Variants in SLC36A4 observed in about 807,000 individuals in gnomAD.
SLC36A4 encodes the protein neutral amino acid uniporter 4.
SLC36A4 carries 49 observed loss-of-function variants against 50.5 expected under a neutral mutation model. The ratio of observed to expected loss-of-function variants is 0.97; its 90% CI spans 0.77 to 1.23. SLC36A4 has a LOEUF of 1.23. SLC36A4 is among the 50% of genes most tolerant of loss of function. The probability of loss-of-function intolerance (pLI) is 0.00; values close to 1 mark genes in which losing one functional copy is unlikely to be tolerated. For missense variants in SLC36A4, 611 were observed against 608.4 expected, an observed-to-expected ratio of 1.00 and a Z score of -0.05; for synonymous variants, 207 against 206.5, an observed-to-expected ratio of 1.00 and a Z score of -0.02.
intron 6 of SLC36A4, among the ~76,000 whole-genome samples, chr11:93,174,091 C>G (rs1481492108): frequency 6.6e-6 from 1 of 151,024 alleles, no homozygotes; most frequent in Non-Finnish European, 1.5e-5. Context: ...ATGGAATGTT[C>G]TTCCATTTGT....
At chr11:93,183,212 T>A (rs1360290848) in intron 3 of SLC36A4, among the ~76,000 whole-genome samples, 2 of 152,198 alleles carry the variant, frequency 1.3e-5, no homozygotes, top group African/African-American at 2.4e-5. Flanking sequence ...TGACCCACCA[T>A]TATAATTATA....
chr11:93,154,435 TCTAA>T (rs1246563217), intron 9 of SLC36A4, 158 bp from the exon 10 acceptor site: 6 of 368,882 alleles, frequency 1.6e-5, no homozygotes, highest in Non-Finnish European at 2.9e-5. Context: ...CAAATTGATC[TCTAA>T]CTAAATTTCT....
intron 6 of SLC36A4, among the ~76,000 whole-genome samples, chr11:93,169,977 AATT>A (rs1168054360): frequency 1.3e-5 from 2 of 152,068 alleles, no homozygotes; most frequent in East Asian, 1.9e-4. Context: ...GGGCTGTTTT[AATT>A]ATTATTAGGT....
At position 93,148,467 on chromosome 11, in the gene SLC36A4, G is replaced by T; in HGVS notation, c.*70C>A. The T allele has an allele frequency of 7.7e-7, 1 of 1,299,562 alleles. No individual in the cohort carries two copies. Among genetic ancestry groups the T allele is most frequent in the Non-Finnish European group, 1.1e-6 (1 of 919,788 alleles). The allele number at this position is 1,299,562 out of a possible 1,614,324, so 80.5% of individuals were successfully genotyped here. On this transcript the variant is annotated 3_prime_UTR_variant, in exon 11 of 11. Coordinates refer to ENST00000326402, the MANE Select transcript of SLC36A4 (RefSeq NM_152313.4). ...TTACCATTTTTATGTATATAGCAAT[G>T]TATTTTACTAGTTATCTTGATAATT...
rs1475081085 is a variant in SLC36A4 at position 93,148,092 on chromosome 11, A to C, written c.*445T>G. ...ATTTTTTTTTTTTACACTGTACATA[A>C]AGTTTACTTTGGCATTCACAGGGAT... On this transcript the variant is annotated 3_prime_UTR_variant, in exon 11 of 11. Transcript: ENST00000326402. 1 of 153,864 alleles carries C rather than the reference A, an allele frequency of 6.5e-6. No individual in the cohort carries two copies. Among genetic ancestry groups the C allele is most frequent in the East Asian group, 1.9e-4 (1 of 5,228 alleles). The allele number at this position is 153,864 out of a possible 1,614,324, so 9.5% of individuals were successfully genotyped here.
At chr11:93,157,491 C>A (rs777372024) in intron 9 of SLC36A4, among the ~76,000 whole-genome samples, 2 of 152,054 alleles carry the variant, frequency 1.3e-5, no homozygotes, top group Admixed American at 6.6e-5. Context: ...GAATGTTTTT[C>A]CATTTGTTTG....
In SLC36A4 at chr11:93,180,062, C is replaced by G. The variant is rs116076734; in HGVS notation, c.540+735G>C. On this transcript the variant is annotated intron_variant, in intron 6 of 10. Coordinates refer to ENST00000326402, the MANE Select transcript of SLC36A4 (RefSeq NM_152313.4). ...TGCATAAAAATATCTACAAGACAAT[C>G]CTATATATTACTATGTAAAATGTTT... 1,480 of 940,794 alleles carry G rather than the reference C, an allele frequency of 1.6e-3. 16 individuals are homozygous for G. In the African/African-American group the frequency reaches 0.025, roughly 16 times the overall value. 58.3% of individuals were successfully genotyped at this position (940,794 alleles called of 1,614,324 possible).
chr11:93,169,050 CA>C (rs748942701), intron 6 of SLC36A4, among the ~76,000 whole-genome samples: 32 of 151,950 alleles, frequency 2.1e-4, no homozygotes, highest in Admixed American at 3.9e-4. Context: ...TTATTTGCCC[CA>C]AAACAGTGTA....
At chr11:93,181,000 A>T in intron 5 of SLC36A4, 119 bp from the exon 6 acceptor site, 1 of 717,066 alleles carries the variant, frequency 1.4e-6, no homozygotes. Context: ...CCTACTCAGT[A>T]TGTCAGGAAC....
intron 5 of SLC36A4, among the ~76,000 whole-genome samples, chr11:93,181,164 T>A (rs1258126954): frequency 6.6e-6 from 1 of 152,080 alleles, no homozygotes; most frequent in African/African-American, 2.4e-5. Context: ...TTATGCTTCC[T>A]TATTTTTCTA....
At position 93,164,513 on chromosome 11, in the gene SLC36A4, G is replaced by A. The variant is rs192224006; in HGVS notation, c.867+1405C>T. Among the ~76,000 whole-genome samples the A allele has an allele frequency of 8.5e-5, 13 of 152,226 alleles. No individual in the cohort carries two copies. In the East Asian group the frequency reaches 2.5e-3, roughly 29 times the overall value. ...TATGCAATCCTCACAATAACTCTAT[G>A]AGATGATAAATCTAGTATTTTTTCC... On this transcript the variant is annotated intron_variant, in intron 8 of 10. Coordinates refer to ENST00000326402, the MANE Select transcript of SLC36A4 (RefSeq NM_152313.4).
chr11:93,177,907 G>A (rs1465180619), intron 6 of SLC36A4, among the ~76,000 whole-genome samples: 1 of 152,220 alleles, frequency 6.6e-6, no homozygotes, highest in Non-Finnish European at 1.5e-5. Context: ...AGCTGTCAGA[G>A]AGGAATGTTT....
chr11:93,159,817 T>C (rs1011534924), intron 9 of SLC36A4: 2 of 985,254 alleles, frequency 2.0e-6, no homozygotes, highest in East Asian at 1.1e-4. Context: ...CTTTATCCTA[T>C]GGCCTCTTTC....
At chr11:93,181,254 G>T (rs1016166774) in intron 5 of SLC36A4, among the ~76,000 whole-genome samples, 20 of 151,998 alleles carry the variant, frequency 1.3e-4, no homozygotes, top group African/African-American at 3.9e-4. Context: ...ATAAAATAAG[G>T]TTATGCTAAA....
Position 93,183,776 on chromosome 11 carries a change from C to T in SLC36A4, c.270+654G>A, listed in dbSNP as rs185884679. Reference sequence around the variant, plus strand: ...GCAGTGGCGCAATCTCAGCTCAATGCAAACTCCACCTCCTGGGTTCACGCC... The same window carrying T: ...GCAGTGGCGCAATCTCAGCTCAATGTAAACTCCACCTCCTGGGTTCACGCC... On this transcript the variant is annotated intron_variant, in intron 3 of 10. Transcript: ENST00000326402. 6.7e-3 allele frequency among the ~76,000 whole-genome samples: 1,012 copies of T among 152,016 alleles called. 4 individuals carry two copies. Among genetic ancestry groups the T allele is most frequent in the Admixed American group, 0.011 (168 of 15,266 alleles).
intron 1 of SLC36A4, among the ~76,000 whole-genome samples, chr11:93,196,248 T>C (rs1862416045): frequency 6.6e-6 from 1 of 152,242 alleles, no homozygotes; most frequent in African/African-American, 2.4e-5. Flanking sequence ...TTCCTTTCAT[T>C]GTACTTTAGT....
At chr11:93,180,259 T>C (rs1451421809) in intron 6 of SLC36A4, 2 of 984,968 alleles carry the variant, frequency 2.0e-6, no homozygotes, top group East Asian at 1.1e-4. Context: ...CCAAATACAC[T>C]GTCAATCTCT....
chr11:93,171,455 C>T (rs1442057184), intron 6 of SLC36A4: 1 of 152,034 alleles, frequency 6.6e-6, no homozygotes, highest in Admixed American at 6.6e-5. Context: ...ACGTTTCAAC[C>T]TAATTCCATA....
Position 93,166,150 on chromosome 11 carries a change from C to T in SLC36A4, c.769-134G>A, listed in dbSNP as rs747724447. 7.0e-5 allele frequency: 90 copies of T among 1,279,326 alleles called. 1 individual carries two copies. The highest frequency in any genetic ancestry group is 2.8e-4 in the Middle Eastern group (1 of 3,566). The allele number at this position is 1,279,326 out of a possible 1,614,324, so 79.2% of individuals were successfully genotyped here. On this transcript the variant is annotated intron_variant, in intron 7 of 10. Transcript: ENST00000326402. Reference sequence around the variant, plus strand: ...TTATAAAATTGAATAATTGTTTCAACAAACACTTAAAGCATCCTCTGTTAA... The same window carrying T: ...TTATAAAATTGAATAATTGTTTCAATAAACACTTAAAGCATCCTCTGTTAA...
Sources: allele counts gnomAD v4.1 joint callset (sites outside exome capture counted in the v4.1 genomes callset), GRCh38; gene constraint gnomAD v4.1.1; transcripts MANE v1.5; gene names NCBI Gene and HGNC (gene_info 2026-07-23, HGNC 2026-07-21).